The following MS4A13 variants were observed in gnomAD, a reference collection of about 807,000 sequenced individuals.
MS4A13 encodes membrane-spanning 4-domains subfamily A member 13.
In MS4A13, 21 loss-of-function variants were observed where a neutral mutation model predicts 18.4. The ratio of observed to expected loss-of-function variants is 1.14; its 90% CI spans 0.81 to 1.64. The LOEUF (loss-of-function observed/expected upper bound fraction) is 1.64, where lower values mean the gene tolerates loss of function less well. Ranked by LOEUF, MS4A13 falls within the 40% of genes most tolerant of loss-of-function variation. The pLI, the probability that MS4A13 is intolerant of heterozygous loss-of-function variation, is 0.00. For missense variants in MS4A13, 173 were observed against 176.8 expected, an observed-to-expected ratio of 0.98 and a Z score of 0.12; for synonymous variants, 62 against 57.2, an observed-to-expected ratio of 1.08 and a Z score of -0.38.
intron 3 of MS4A13, among the ~76,000 whole-genome samples, chr11:60,519,651 T>C (rs763385624): frequency 2.6e-5 from 4 of 152,204 alleles, no homozygotes; most frequent in Non-Finnish European, 4.4e-5. Flanking sequence ...CCTCAGGCCA[T>C]GTTCAGCTGC....
rs760037519 is a variant in MS4A13 at position 60,524,251 on chromosome 11, T to C, written c.186+298T>C. Among the ~76,000 whole-genome samples, 38 of 152,338 alleles carry C rather than the reference T, an allele frequency of 2.5e-4. No homozygotes were observed. In the Middle Eastern group the frequency reaches 0.014, roughly 55 times the overall value. Reference sequence around the variant, plus strand: ...ATAATTAAAAAATTTTAATAGGACCTAATGCCTTTAGATATAGACATTATA... The same window carrying C: ...ATAATTAAAAAATTTTAATAGGACCCAATGCCTTTAGATATAGACATTATA... On this transcript the variant is annotated intron_variant, in intron 4 of 6. Coordinates refer to ENST00000378186, the MANE Select transcript of MS4A13 (RefSeq NM_001012417.3).
chr11:60,526,476 A>G (rs1262974480), intron 5 of MS4A13, among the ~76,000 whole-genome samples: 2 of 152,244 alleles, frequency 1.3e-5, no homozygotes, highest in East Asian at 3.8e-4. Flanking sequence ...TCAGTGTGAC[A>G]AACTATTGTA....
rs1226182141 is a variant in MS4A13 at position 60,518,116 on chromosome 11, C to T, written c.33C>T (p.Tyr11=). 1 of 1,606,848 alleles carries T rather than the reference C, an allele frequency of 6.2e-7. No homozygotes were observed. Among genetic ancestry groups the T allele is most frequent in the African/African-American group, 1.3e-5 (1 of 74,702 alleles). Residue 11 remains tyrosine (Y), a synonymous_variant, in exon 3 of 7, where the codon TAC becomes TAT. Coordinates refer to ENST00000378186, the MANE Select transcript of MS4A13 (RefSeq NM_001012417.3). The part of the protein sequence containing the change: MIGIFHIFMW[Y]FLLVLYMGQI... Reference sequence around the variant, plus strand: ...GCATCTTTCACATTTTCATGTGGTACTTTCTATTGGTTTTGTATATGGGAC... The same window carrying T: ...GCATCTTTCACATTTTCATGTGGTATTTTCTATTGGTTTTGTATATGGGAC...
At chr11:60,517,988 T>A in intron 2 of MS4A13, 84 bp from the exon 3 acceptor site, 1 of 1,101,412 alleles carries the variant, frequency 9.1e-7, no homozygotes, top group Non-Finnish European at 1.3e-6. Context: ...TGTAAAGGTG[T>A]TAAATGCTTC....
At chr11:60,525,363 A>G (rs1367320728) in intron 5 of MS4A13, 37 bp downstream of exon 5, 1 of 1,399,056 alleles carries the variant, frequency 7.1e-7, no homozygotes, top group East Asian at 2.6e-5. Flanking sequence ...ATTAATTTTA[A>G]AATTATTCTT....
chr11:60,538,194 A>T (rs970322141), intron 6 of MS4A13, among the ~76,000 whole-genome samples: 1 of 125,390 alleles, frequency 8.0e-6, no homozygotes, highest in Non-Finnish European at 1.8e-5. Flanking sequence ...AAAAAAAACG[A>T]AAAAAAAAAA....
At chr11:60,537,955 C>A (rs1485686269) in intron 6 of MS4A13, among the ~76,000 whole-genome samples, 18 of 131,486 alleles carry the variant, frequency 1.4e-4, no homozygotes, top group South Asian at 2.6e-4. Flanking sequence ...CATATTCTCA[C>A]TCATAGGTGG....
Position 60,518,209 on chromosome 11 carries a change from T to A in MS4A13, c.126T>A (p.Ile42=). 1 of 1,607,940 alleles carries A rather than the reference T, an allele frequency of 6.2e-7. No individual in the cohort carries two copies. Among genetic ancestry groups the A allele is most frequent in the Non-Finnish European group, 8.5e-7 (1 of 1,176,672 alleles). The change falls in exon 3 of 7, where the codon ATT becomes ATA. Residue 42 remains isoleucine, a synonymous_variant. Coordinates refer to ENST00000378186, the MANE Select transcript of MS4A13 (RefSeq NM_001012417.3). ...AAACAGGATGTACTTTATGGGGAAT[T>A]TTTGTGAGTAGAATACATATATATT... The part of the protein sequence containing the change: ...TYKTGCTLWG[I]FFIIAGVFLI...
intron 6 of MS4A13, among the ~76,000 whole-genome samples, chr11:60,540,361 C>T (rs964453853): frequency 2.0e-5 from 3 of 152,048 alleles, no homozygotes; most frequent in African/African-American, 7.2e-5. Context: ...CAATTTTTCT[C>T]TTAAATTTTA....
Position 60,525,199 on chromosome 11 carries a change from CT to C in MS4A13, c.187-4del. Reference sequence around the variant, plus strand: ...ATATAATAAATTTGCCCTCTGTCTCCTTTTCAGATTATAAGTACTTTAATCA... The same window carrying C: ...ATATAATAAATTTGCCCTCTGTCTCCTTTCAGATTATAAGTACTTTAATCA... On this transcript the variant is annotated splice_region_variant and splice_polypyrimidine_tract_variant and intron_variant, in intron 4 of 6. Coordinates refer to ENST00000378186, the MANE Select transcript of MS4A13 (RefSeq NM_001012417.3). The C allele has an allele frequency of 1.9e-6, 3 of 1,556,076 alleles. No homozygotes were observed. The highest frequency in any genetic ancestry group is 2.7e-6 in the Non-Finnish European group (3 of 1,130,788).
chr11:60,517,933 C>A, intron 2 of MS4A13, 139 bp from the exon 3 acceptor site: 1 of 595,266 alleles, frequency 1.7e-6, no homozygotes, highest in Non-Finnish European at 2.7e-6. Flanking sequence ...GATAACCAAT[C>A]CAGGAAATAC....
intron 4 of MS4A13, 30 bp downstream of exon 4, chr11:60,523,983 A>T (rs758413488): frequency 3.3e-5 from 44 of 1,329,192 alleles, no homozygotes; most frequent in Non-Finnish European, 4.8e-5. Context: ...GTATCTCTAG[A>T]AATCACTTAT....
intron 3 of MS4A13, among the ~76,000 whole-genome samples, chr11:60,522,023 A>G (rs2086677207): frequency 6.6e-6 from 1 of 152,022 alleles, no homozygotes; most frequent in Non-Finnish European, 1.5e-5. Flanking sequence ...CCCATTTTTA[A>G]AACCATCAGA....
chr11:60,517,768 C>T (rs190535819), intron 2 of MS4A13, among the ~76,000 whole-genome samples: 17 of 152,278 alleles, frequency 1.1e-4, no homozygotes, highest in Admixed American at 9.8e-4. Flanking sequence ...CATACCATTA[C>T]TTGATAGGTA....
chr11:60,538,177 T>TTAA (rs60140970), intron 6 of MS4A13, among the ~76,000 whole-genome samples: 30 of 75,116 alleles, frequency 4.0e-4, no homozygotes, highest in East Asian at 1.0e-3. Flanking sequence ...TAAAGTATAA[T>TTAA]AAAAAAAAAA....
chr11:60,532,334 G>A (rs2086775834), intron 6 of MS4A13, among the ~76,000 whole-genome samples: 1 of 152,204 alleles, frequency 6.6e-6, no homozygotes, highest in Admixed American at 6.5e-5. Context: ...GCGAGCCGAA[G>A]CAGGGCGAGG....
At chr11:60,538,233 A>G (rs1279361572) in intron 6 of MS4A13, among the ~76,000 whole-genome samples, 1 of 151,486 alleles carries the variant, frequency 6.6e-6, no homozygotes, top group East Asian at 1.9e-4. Flanking sequence ...AGCAGAAGGT[A>G]GAATGATGAA....
At position 60,518,196 on chromosome 11, in the gene MS4A13, CT is replaced by C. The variant is rs2086650523; in HGVS notation, c.116del (p.Leu39TyrfsTer13). On this transcript the variant is annotated frameshift_variant, in exon 3 of 7. Coordinates refer to ENST00000378186, the MANE Select transcript of MS4A13 (RefSeq NM_001012417.3). LOFTEE classifies it high-confidence loss of function. The stretch of plus-strand genomic sequence containing the variant: ...CCTGTAACTTACAAAACAGGATGTA[CT>C]TTATGGGGAATTTTTGTGAGTAGAA... ...YEPVTYKTGC[T>X]LWGIFFIIAG... is the part of the protein sequence containing the mutation. 1.2e-6 allele frequency: 2 copies of C among 1,609,416 alleles called. No individual in the cohort carries two copies. The highest frequency in any genetic ancestry group is 1.7e-6 in the Non-Finnish European group (2 of 1,177,532).
At chr11:60,532,187 A>G (rs999623137) in intron 6 of MS4A13, among the ~76,000 whole-genome samples, 4 of 152,212 alleles carry the variant, frequency 2.6e-5, no homozygotes, top group Non-Finnish European at 5.9e-5. Flanking sequence ...GCCGAATAGG[A>G]ACAGCTCCGG....
Sources: allele counts gnomAD v4.1 joint callset (sites outside exome capture counted in the v4.1 genomes callset), GRCh38; gene constraint gnomAD v4.1.1; transcripts MANE v1.5; gene names NCBI Gene and HGNC (gene_info 2026-07-23, HGNC 2026-07-21).